Variants in EPHB2 observed in about 807,000 individuals in gnomAD.
The protein encoded by EPHB2 is EPH receptor B2, also known as ephrin type-B receptor 2.
EPHB2 carries 18 observed loss-of-function variants against 96.4 expected under a neutral mutation model. The observed-to-expected ratio is 0.19, with a 90% CI of 0.13 to 0.28. The LOEUF is 0.28. Ranked by LOEUF, EPHB2 falls within the 10% of genes least tolerant of loss-of-function variation. EPHB2 has a pLI of 1.00. For missense variants in EPHB2, 989 were observed against 1,355.4 expected (o/e 0.73, Z 4.25); for synonymous variants, 506 against 534.1 (o/e 0.95, Z 0.72).
chr1:22,873,560 CA>C (rs1638740779), intron 5 of EPHB2, among the ~76,000 whole-genome samples: 1 of 149,322 alleles, frequency 6.7e-6, no homozygotes, highest in South Asian at 2.1e-4. Context: ...GGTGTAGATA[CA>C]GGGGGGTGAT....
At chr1:22,767,574 GGACA>G (rs893455474) in intron 1 of EPHB2, among the ~76,000 whole-genome samples, 1 of 152,210 alleles carries the variant, frequency 6.6e-6, no homozygotes, top group African/African-American at 2.4e-5. Context: ...CCGTTGCATG[GGACA>G]GTGCCTGGCA....
chr1:22,730,813 G>A (rs142487819), intron 1 of EPHB2, among the ~76,000 whole-genome samples: 4 of 152,248 alleles, frequency 2.6e-5, no homozygotes, highest in East Asian at 1.9e-4. Flanking sequence ...AGATGGGAGC[G>A]GTGCAGGGCT....
Position 22,784,336 on chromosome 1 carries a change from AGT to A in EPHB2, c.127-50_127-49del. On this transcript the variant is annotated intron_variant, in intron 2 of 15. Transcript: ENST00000374630. The surrounding 1 kb of genome is among the most constrained non-coding windows in gnomAD (Gnocchi z 5.1). ...AGTCTGTGTCTTCCACCTTAGACTG[AGT>A]GTGTGCTGGGGCTGAGCCCTTACCT... 6.4e-7 allele frequency: 1 copy of A among 1,552,662 alleles called. No individual in the cohort carries two copies. Among genetic ancestry groups the A allele is most frequent in the Non-Finnish European group, 8.9e-7 (1 of 1,126,912 alleles).
At chr1:22,909,795 C>A (rs1268825718) in intron 13 of EPHB2, among the ~76,000 whole-genome samples, 1 of 152,090 alleles carries the variant, frequency 6.6e-6, no homozygotes, top group African/African-American at 2.4e-5. Flanking sequence ...GGAGGGTGAC[C>A]CACAGTTGAG....
chr1:22,891,350 G>C, intron 6 of EPHB2: 1 of 349,436 alleles, frequency 2.9e-6, no homozygotes, highest in Non-Finnish European at 5.7e-6. Context: ...TGTACAACTA[G>C]GTGTGTGTTT....
intron 1 of EPHB2, among the ~76,000 whole-genome samples, chr1:22,729,689 CAG>C (rs1248218679): frequency 6.6e-6 from 1 of 152,296 alleles, no homozygotes; most frequent in African/African-American, 2.4e-5. Flanking sequence ...GAAGTGTTCC[CAG>C]AGCATAGCTC....
At chr1:22,718,876 C>G (rs1427967056) in intron 1 of EPHB2, among the ~76,000 whole-genome samples, 2 of 152,154 alleles carry the variant, frequency 1.3e-5, no homozygotes, top group East Asian at 3.9e-4. Context: ...AAACCCAAGT[C>G]TGGTGACTCC....
intron 3 of EPHB2, among the ~76,000 whole-genome samples, chr1:22,801,157 A>G (rs985709861): frequency 1.3e-5 from 2 of 152,144 alleles, no homozygotes; most frequent in African/African-American, 2.4e-5. Context: ...CCTCTGCCCG[A>G]TAGGCACAGG....
chr1:22,788,747 G>GTTTTTTTTTTTTTTTTTTTTT (rs1302258024), intron 3 of EPHB2, among the ~76,000 whole-genome samples: 2 of 90,690 alleles, frequency 2.2e-5, no homozygotes, highest in Admixed American at 1.4e-4. Context: ...TTTGTCTTTT[G>GTTTTTTTTTTTTTTTTTTTTT]TTTTTGTTTT....
At chr1:22,738,644 C>T (rs918800763) in intron 1 of EPHB2, among the ~76,000 whole-genome samples, 1 of 152,234 alleles carries the variant, frequency 6.6e-6, no homozygotes, top group African/African-American at 2.4e-5. Context: ...ATTATCGAGC[C>T]ATTCATTCAG....
intron 3 of EPHB2, chr1:22,836,646 C>T (rs932950986): frequency 6.6e-6 from 1 of 152,416 alleles, no homozygotes; most frequent in African/African-American, 2.4e-5. Flanking sequence ...AAATCCCTAG[C>T]CCTCTCCCAC....
At chr1:22,903,636 A>G (rs1326353072) in intron 9 of EPHB2, among the ~76,000 whole-genome samples, 7 of 152,252 alleles carry the variant, frequency 4.6e-5, no homozygotes, top group African/African-American at 1.4e-4. Flanking sequence ...AAATGGGAAT[A>G]ATGGTCCTTT....
intron 1 of EPHB2, among the ~76,000 whole-genome samples, chr1:22,742,222 TC>T (rs1310168259): frequency 1.3e-5 from 2 of 151,998 alleles, no homozygotes; most frequent in South Asian, 2.1e-4. Context: ...AGCCATAGGG[TC>T]CCTGACATGA....
intron 3 of EPHB2, among the ~76,000 whole-genome samples, chr1:22,816,254 A>G (rs1481186397): frequency 6.6e-6 from 1 of 151,894 alleles, no homozygotes; most frequent in African/African-American, 2.4e-5. Flanking sequence ...CCCTCCTAAA[A>G]CCAGACCTCT....
intron 3 of EPHB2, among the ~76,000 whole-genome samples, chr1:22,789,546 C>T (rs1463091289): frequency 1.3e-5 from 2 of 152,178 alleles, no homozygotes; most frequent in Non-Finnish European, 2.9e-5. Flanking sequence ...GGGAAGCCAA[C>T]CATTCAACAT....
Position 22,910,290 on chromosome 1 carries a change from C to T in EPHB2, c.2503-92C>T, listed in dbSNP as rs369469499. The T allele has an allele frequency of 1.1e-5, 17 of 1,518,184 alleles. No individual in the cohort carries two copies. The East Asian group carries it at 2.0e-4, about 18-fold the overall frequency. 94.0% of individuals were successfully genotyped at this position (1,518,184 alleles called of 1,614,324 possible). ...TGCCACAGCAACTAAATAGGTCAGA[C>T]GTGCAATGTACTGGGGGTAAGATGG... On this transcript the variant is annotated intron_variant, in intron 13 of 15. Coordinates refer to ENST00000374630, the MANE Select transcript of EPHB2 (RefSeq NM_017449.5).
At chr1:22,840,163 G>A (rs1027078768) in intron 3 of EPHB2, among the ~76,000 whole-genome samples, 3 of 152,186 alleles carry the variant, frequency 2.0e-5, no homozygotes, top group African/African-American at 7.2e-5. Flanking sequence ...TTGCAAAATG[G>A]GAGAAATAGT....
intron 1 of EPHB2, among the ~76,000 whole-genome samples, chr1:22,761,343 G>T (rs1359967353): frequency 2.0e-5 from 3 of 152,182 alleles, no homozygotes; most frequent in Non-Finnish European, 2.9e-5. Context: ...ATCGTGGGGG[G>T]AGATAATTAT....
chr1:22,830,277 G>C (rs756439101), intron 3 of EPHB2, among the ~76,000 whole-genome samples: 3 of 152,300 alleles, frequency 2.0e-5, no homozygotes, highest in Non-Finnish European at 2.9e-5. Flanking sequence ...GAGAGGGGCG[G>C]TTCGCAGACA....
Sources: gnomAD v4.1 joint callset for allele counts (sites outside exome capture counted in the v4.1 genomes callset) on GRCh38, gnomAD v4.1.1 for gene constraint, Gnocchi (gnomAD v3.1) non-coding constraint, MANE v1.5 for transcripts, NCBI Gene and HGNC (gene_info 2026-07-23, HGNC 2026-07-21) for gene names.